Variants in PPP2R2B observed in about 807,000 individuals in gnomAD.
PPP2R2B encodes serine/threonine-protein phosphatase 2A 55 kDa regulatory subunit B beta isoform.
A neutral mutation model predicts 46.0 loss-of-function variants in PPP2R2B; 5 were observed. The ratio of observed to expected loss-of-function variants is 0.11; its 90% CI spans 0.06 to 0.23. The LOEUF (loss-of-function observed/expected upper bound fraction) is 0.23. Ranked by LOEUF, PPP2R2B falls within the 10% of genes least tolerant of loss-of-function variation. The pLI is 1.00. For synonymous variants in PPP2R2B, 215 were observed against 206.7 expected (o/e 1.04, Z -0.34); for missense variants, 367 against 575.0 (o/e 0.64, Z 3.70).
chr5:146,927,848 C>G (rs1321813201), intron 1 of PPP2R2B, among the ~76,000 whole-genome samples: 4 of 151,892 alleles, frequency 2.6e-5, no homozygotes, highest in Admixed American at 2.0e-4. Context: ...ATTCTCCTGC[C>G]TACTCTCTCC....
chr5:146,715,747 T>G (rs1006579638), intron 2 of PPP2R2B, among the ~76,000 whole-genome samples: 2 of 152,198 alleles, frequency 1.3e-5, no homozygotes, highest in African/African-American at 4.8e-5. Context: ...CCTGCCTTTT[T>G]GTGGGCTGCT....
chr5:146,741,733 A>C (rs1456650606), intron 2 of PPP2R2B, among the ~76,000 whole-genome samples: 1 of 152,260 alleles, frequency 6.6e-6, no homozygotes, highest in Admixed American at 6.5e-5. Context: ...TACTGACAGT[A>C]CACAATTTTA....
intron 1 of PPP2R2B, among the ~76,000 whole-genome samples, chr5:147,007,829 C>T (rs1046424514): frequency 6.6e-6 from 1 of 152,120 alleles, no homozygotes; most frequent in African/African-American, 2.4e-5. Flanking sequence ...CAACTGGACA[C>T]ATCTGAACAT....
intron 7 of PPP2R2B, chr5:146,607,667 A>G (rs1003498724): frequency 6.6e-6 from 1 of 152,254 alleles, no homozygotes; most frequent in African/African-American, 2.4e-5. Flanking sequence ...TTAAGAAATA[A>G]TGAATCAAAA....
At chr5:147,055,713 T>C (rs758437952) in exon 1 of PPP2R2B, 2 of 1,613,496 alleles carry the variant, frequency 1.2e-6, no homozygotes, top group South Asian at 1.1e-5. Context: ...GGTCTGAAGA[T>C]GTAAGGCAGG....
At chr5:146,715,565 T>TG (rs1780450308) in intron 2 of PPP2R2B, among the ~76,000 whole-genome samples, 1 of 152,240 alleles carries the variant, frequency 6.6e-6, no homozygotes, top group Non-Finnish European at 1.5e-5. Context: ...CTTTGTGTTT[T>TG]ATGTTATATC....
At position 146,854,695 on chromosome 5, in the gene PPP2R2B, C is replaced by A. The variant is rs148928010; in HGVS notation, c.70+23307G>T. On this transcript the variant is annotated intron_variant, in intron 2 of 9. Coordinates refer to ENST00000394411, the MANE Select transcript of PPP2R2B (RefSeq NM_181675.4). Reference sequence around the variant, plus strand: ...ACAAGCACGTGTGTATAGACACACACTCACCTTGTACCTCACACTGATCGC... The same window carrying A: ...ACAAGCACGTGTGTATAGACACACAATCACCTTGTACCTCACACTGATCGC... Among the ~76,000 whole-genome samples, 576 of 152,240 alleles carry A rather than the reference C, an allele frequency of 3.8e-3. 11 individuals are homozygous for A. The highest frequency in any genetic ancestry group is 9.7e-4 in the East Asian group (5 of 5,176).
At chr5:146,802,631 C>T (rs1342352414) in intron 2 of PPP2R2B, among the ~76,000 whole-genome samples, 1 of 152,196 alleles carries the variant, frequency 6.6e-6, no homozygotes, top group African/African-American at 2.4e-5. Context: ...GGGACCTGAA[C>T]ATATGGTCTA....
At chr5:146,694,108 C>G (rs1779039579) in intron 4 of PPP2R2B, among the ~76,000 whole-genome samples, 1 of 152,180 alleles carries the variant, frequency 6.6e-6, no homozygotes, top group Non-Finnish European at 1.5e-5. Flanking sequence ...ATGCCTTGTT[C>G]TTGGAGGTCT....
At chr5:146,623,879 C>T (rs1052081422) in intron 7 of PPP2R2B, among the ~76,000 whole-genome samples, 3 of 152,120 alleles carry the variant, frequency 2.0e-5, no homozygotes, top group African/African-American at 7.2e-5. Flanking sequence ...GACAGCAGAT[C>T]TCACAATTCA....
intron 1 of PPP2R2B, among the ~76,000 whole-genome samples, chr5:146,993,777 T>C (rs1159552757): frequency 1.3e-5 from 2 of 151,730 alleles, no homozygotes; most frequent in East Asian, 3.9e-4. Context: ...ATCATTGTCA[T>C]TGTAACATTA....
intron 1 of PPP2R2B, among the ~76,000 whole-genome samples, chr5:146,940,945 C>A (rs895013462): frequency 3.3e-5 from 5 of 152,122 alleles, no homozygotes; most frequent in Non-Finnish European, 7.4e-5. Context: ...TTGAATAGTT[C>A]TTTGCCCTAG....
chr5:146,848,740 C>T (rs1005426305), intron 2 of PPP2R2B, among the ~76,000 whole-genome samples: 1 of 152,170 alleles, frequency 6.6e-6, no homozygotes, highest in Admixed American at 6.5e-5. Flanking sequence ...AGAAAGAAGT[C>T]ATGATGTACA....
chr5:147,001,061 A>C (rs1754148548), intron 1 of PPP2R2B, among the ~76,000 whole-genome samples: 1 of 152,088 alleles, frequency 6.6e-6, no homozygotes, highest in African/African-American at 2.4e-5. Flanking sequence ...GTCTGGCTAA[A>C]GGTTTGTAAA....
chr5:146,786,224 A>G (rs148306965), intron 2 of PPP2R2B, among the ~76,000 whole-genome samples: 96 of 152,320 alleles, frequency 6.3e-4, no homozygotes, highest in African/African-American at 2.2e-3. Context: ...AGATATGTAG[A>G]ATACTATTGA....
chr5:146,832,888 C>G (rs1338461552), intron 2 of PPP2R2B, among the ~76,000 whole-genome samples: 2 of 151,956 alleles, frequency 1.3e-5, no homozygotes, highest in African/African-American at 4.8e-5. Context: ...TGTAAGTACA[C>G]TCTGGTGTTC....
At chr5:146,759,701 A>G (rs1008539445) in intron 2 of PPP2R2B, among the ~76,000 whole-genome samples, 7 of 151,638 alleles carry the variant, frequency 4.6e-5, no homozygotes, top group African/African-American at 1.7e-4. Context: ...TCATAATAAC[A>G]TATATTAATG....
At chr5:146,859,093 G>A (rs184075167) in intron 2 of PPP2R2B, among the ~76,000 whole-genome samples, 24 of 152,168 alleles carry the variant, frequency 1.6e-4, no homozygotes, top group African/African-American at 3.4e-4. Flanking sequence ...GAAAGAGCTC[G>A]GTTTTATGAA....
At chr5:146,775,529 G>C (rs544064471) in intron 2 of PPP2R2B, among the ~76,000 whole-genome samples, 1 of 152,144 alleles carries the variant, frequency 6.6e-6, no homozygotes, top group Non-Finnish European at 1.5e-5. Flanking sequence ...CTAAGATTAG[G>C]AACAAGACAA....
Sources: gnomAD v4.1 joint callset for allele counts (sites outside exome capture counted in the v4.1 genomes callset) on GRCh38, gnomAD v4.1.1 for gene constraint, MANE v1.5 for transcripts, NCBI Gene and HGNC (gene_info 2026-07-23, HGNC 2026-07-21) for gene names.